ISLR2: variants seen among roughly 807,000 people sequenced by gnomAD.
ISLR2 encodes the protein immunoglobulin superfamily containing leucine-rich repeat protein 2.
ISLR2 carries 16 observed loss-of-function variants against 25.5 expected under a neutral mutation model. The ratio of observed to expected loss-of-function variants is 0.63; its 90% confidence interval spans 0.43 to 0.95. The LOEUF is 0.95. ISLR2 is among the 40% of genes least tolerant of loss of function. ISLR2 has a pLI of 0.00. For missense variants in ISLR2, 883 were observed against 1,030.7 expected (o/e 0.86, Z 1.96); for synonymous variants, 508 against 486.6 (o/e 1.04, Z -0.58).
intron 2 of ISLR2, among the ~76,000 whole-genome samples, chr15:74,117,293 A>G (rs369587496): frequency 1.3e-5 from 2 of 152,198 alleles, no homozygotes; most frequent in South Asian, 2.1e-4. Context: ...CATGAGCTAT[A>G]GGTCTCAATT....
chr15:74,126,198 C>T (rs567644117), upstream of ISLR2: 20 of 152,214 alleles, frequency 1.3e-4, no homozygotes, highest in African/African-American at 4.1e-4. Flanking sequence ...TTTTATCAAA[C>T]TTGTGTCCCA....
intron 2 of ISLR2, among the ~76,000 whole-genome samples, chr15:74,108,933 C>T (rs1355847898): frequency 2.6e-5 from 4 of 152,180 alleles, no homozygotes; most frequent in Non-Finnish European, 5.9e-5. Flanking sequence ...TGACCTGGGG[C>T]AGGTGCGGGG....
chr15:74,113,120 A>G (rs1336632413), intron 2 of ISLR2, among the ~76,000 whole-genome samples: 1 of 152,230 alleles, frequency 6.6e-6, no homozygotes, highest in Non-Finnish European at 1.5e-5. Flanking sequence ...GATTCCTCAC[A>G]TGTGCAGTTC....
Position 74,132,625 on chromosome 15 carries a change from G to C in ISLR2, c.-8-122G>C. ...CTTCAGAGAGGCTCCTGGCCATAGA[G>C]GAGGTTACCGGAGCCCTGGAACTAG... On this transcript the variant is annotated intron_variant, in intron 2 of 2. Transcript: ENST00000453268. The surrounding 1 kb of genome is among the most constrained non-coding windows in gnomAD (Gnocchi z 4.3). 7.5e-7 allele frequency: 1 copy of C among 1,334,894 alleles called. No individual in the cohort carries two copies. The highest frequency in any genetic ancestry group is 1.0e-6 in the Non-Finnish European group (1 of 1,003,378). 82.7% of individuals were successfully genotyped at this position (1,334,894 alleles called of 1,614,324 possible).
At position 74,132,782 on chromosome 15, in the gene ISLR2, G is replaced by C. The variant is rs2072452210; in HGVS notation, c.28G>C (p.Val10Leu). The change falls in exon 3 of 3, where the codon GTC (valine) becomes CTC (leucine). Residue 10 changes from valine (V) to leucine (L), a missense_variant. Val to Leu is a conservative substitution (Grantham distance 32). Coordinates refer to ENST00000453268, the MANE Select transcript of ISLR2 (RefSeq NM_020851.3). This position sits in a 1 kb window ranked among gnomAD's most constrained non-coding sequence, Gnocchi z 4.3. ...GTTCCCCCTTCGGGCCCTGTGGTTG[G>C]TCTGGGCGCTTCTAGGAGTGGCCGG... MFPLRALWL[V>L]WALLGVAGSC... 1 of 1,613,200 alleles carries C rather than the reference G, an allele frequency of 6.2e-7. No homozygotes were observed. Among genetic ancestry groups the C allele is most frequent in the Non-Finnish European group, 8.5e-7 (1 of 1,179,220 alleles).
At chr15:74,139,902 GTGTGTGTGTGTC>G (rs937395361), downstream of ISLR2, among the ~76,000 whole-genome samples, 2 of 148,856 alleles carry the variant, frequency 1.3e-5, no homozygotes, top group African/African-American at 5.2e-5. Flanking sequence ...GTGTGTGTGT[GTGTGTGTGTGTC>G]TTGAGAGACC....
rs747155913 is a variant in ISLR2, at chr15:74,133,944, G to C, written c.1190G>C (p.Arg397Pro). Reference sequence around the variant, plus strand: ...GACGGACAGGCCCCGACCTCTGAGCGCAAGTCCACAGCCAAGGGCCGGGGC... The same window carrying C: ...GACGGACAGGCCCCGACCTCTGAGCCCAAGTCCACAGCCAAGGGCCGGGGC... ...EPDGQAPTSERKSTAKGRGNS... is the reference protein window; with the variant it reads ...EPDGQAPTSEPKSTAKGRGNS... Residue 397 changes from arginine (R) to proline (P), a missense_variant, in exon 3 of 3, where the codon CGC becomes CCC. Arg to Pro is a moderately radical substitution (Grantham distance 103). This residue lies in a region of ISLR2 where 612 missense variants were observed against 642.8 expected (regional missense o/e 0.95). Transcript: ENST00000453268. 1 of 1,605,834 alleles carries C rather than the reference G, an allele frequency of 6.2e-7. No individual in the cohort carries two copies. Among genetic ancestry groups the C allele is most frequent in the South Asian group, 1.1e-5 (1 of 90,016 alleles).
Position 74,134,181 on chromosome 15 carries a change from G to T in ISLR2, c.1427G>T (p.Ser476Ile). Residue 476 changes from serine to isoleucine, a missense_variant, in exon 3 of 3, where the codon AGC becomes ATC. Ser to Ile is a moderately radical substitution (Grantham distance 142). Around this residue, in one of 2 missense-constraint regions of ISLR2, gnomAD observed 612 missense variants for 642.8 expected, o/e 0.95. Transcript: ENST00000453268. ...GTTTCTAACCACGCGTTCAACCAGA[G>T]CGCAGAGCTCAAGCCGCACGTCTTC... is the stretch of plus-strand genomic sequence containing the variant. ...RYVSNHAFNQ[S>I]AELKPHVFEL... 1 of 1,612,326 alleles carries T rather than the reference G, an allele frequency of 6.2e-7. No individual in the cohort carries two copies. The highest frequency in any genetic ancestry group is 8.5e-7 in the Non-Finnish European group (1 of 1,179,368).
At chr15:74,137,121 C>G (rs1486753576), downstream of ISLR2, among the ~76,000 whole-genome samples, 1 of 152,112 alleles carries the variant, frequency 6.6e-6, no homozygotes, top group Admixed American at 6.6e-5. Context: ...TATTTGCACT[C>G]AAGGGTGTGC....
At chr15:74,125,026 T>C (rs748052542), upstream of ISLR2, among the ~76,000 whole-genome samples, 33 of 152,132 alleles carry the variant, frequency 2.2e-4, no homozygotes, top group Non-Finnish European at 2.9e-5. Context: ...TATTTGCCGA[T>C]GGAAATATTA....
chr15:74,137,710 G>A (rs2072584248), downstream of ISLR2, among the ~76,000 whole-genome samples: 1 of 152,162 alleles, frequency 6.6e-6, no homozygotes, highest in Non-Finnish European at 1.5e-5. Flanking sequence ...ATGGGAAGCA[G>A]ATAAAGATTC....
At position 74,103,604 on chromosome 15, in the gene ISLR2, A is replaced by T. The variant is rs1206690901; in HGVS notation, n.160-242A>T. 3.9e-5 allele frequency among the ~76,000 whole-genome samples: 5 copies of T among 128,112 alleles called. No homozygotes were observed. The East Asian group carries it at 1.1e-3, about 28-fold the overall frequency. The allele number at this position is 128,112 out of a possible 152,430, so 84.0% of individuals were successfully genotyped here. On this transcript the variant is annotated intron_variant and non_coding_transcript_variant, in intron 1 of 3. Transcript: ENST00000561975. ...GCCACTGCACTCCAGCCAGAGCCAG[A>T]GTGAGACTCTGTCCCAAAGAAAAAA...
chr15:74,128,322 T>C, upstream of ISLR2: 1 of 413,414 alleles, frequency 2.4e-6, no homozygotes, highest in South Asian at 1.8e-5. Flanking sequence ...GGGGCGTCTT[T>C]CCCCCAGGGC....
In ISLR2 at chr15:74,132,618, C is replaced by A; in HGVS notation, c.-8-129C>A. Reference sequence around the variant, plus strand: ...ACCTTCACTTCAGAGAGGCTCCTGGCCATAGAGGAGGTTACCGGAGCCCTG... The same window carrying A: ...ACCTTCACTTCAGAGAGGCTCCTGGACATAGAGGAGGTTACCGGAGCCCTG... On this transcript the variant is annotated intron_variant, in intron 2 of 2. Transcript: ENST00000453268. The surrounding 1 kb of genome is among the most constrained non-coding windows in gnomAD (Gnocchi z 4.3). 1 of 1,278,930 alleles carries A rather than the reference C, an allele frequency of 7.8e-7. No homozygotes were observed. The highest frequency in any genetic ancestry group is 1.0e-6 in the Non-Finnish European group (1 of 953,944). 79.2% of individuals were successfully genotyped at this position (1,278,930 alleles called of 1,614,324 possible). A position where few individuals can be genotyped will look rare whatever the true frequency, so the allele number is the denominator to read the frequency against.
At position 74,133,296 on chromosome 15, in the gene ISLR2, A is replaced by G. The variant is rs781605117; in HGVS notation, c.542A>G (p.Asn181Ser). ...SALSHLQLYH[N>S]PFHCGCGLVW... ...CTGTCACACTTGCAACTCTATCACA[A>G]TCCCTTCCACTGCGGCTGCGGCCTT... is the stretch of plus-strand genomic sequence containing the variant. Residue 181 changes from asparagine (N) to serine (S), a missense_variant, in exon 3 of 3, where the codon AAT becomes AGT. Coordinates refer to ENST00000453268, the MANE Select transcript of ISLR2 (RefSeq NM_020851.3). The G allele has an allele frequency of 6.2e-7, 1 of 1,610,750 alleles. No homozygotes were observed. Among genetic ancestry groups the G allele is most frequent in the Non-Finnish European group, 8.5e-7 (1 of 1,179,924 alleles).
At position 74,134,737 on chromosome 15, in the gene ISLR2, C is replaced by A. The variant is rs370160529; in HGVS notation, c.1983C>A (p.Gly661=). The A allele has an allele frequency of 1.9e-6, 3 of 1,613,910 alleles. No homozygotes were observed. Among genetic ancestry groups the A allele is most frequent in the Non-Finnish European group, 2.5e-6 (3 of 1,179,934 alleles). The part of the protein sequence containing the change: ...YLESEKSYPA[G]GEAGGEEPED... Reference sequence around the variant, plus strand: ...AGTCCGAGAAAAGCTACCCGGCAGGCGGCGAGGCGGGCGGCGAGGAGCCAG... The same window carrying A: ...AGTCCGAGAAAAGCTACCCGGCAGGAGGCGAGGCGGGCGGCGAGGAGCCAG... Residue 661 remains glycine, a synonymous_variant, in exon 3 of 3, where the codon GGC becomes GGA. Transcript: ENST00000453268.
At chr15:74,120,124 C>G (rs2072241545) in intron 2 of ISLR2, among the ~76,000 whole-genome samples, 1 of 152,242 alleles carries the variant, frequency 6.6e-6, no homozygotes, top group Non-Finnish European at 1.5e-5. Context: ...CAACCCCATC[C>G]TCTCTCATAA....
Position 74,131,259 on chromosome 15 carries a change from C to G in ISLR2, c.-66C>G, listed in dbSNP as rs2072411829. The G allele has an allele frequency of 6.5e-6, 1 of 153,028 alleles. No individual in the cohort carries two copies. The highest frequency in any genetic ancestry group is 1.5e-5 in the Non-Finnish European group (1 of 68,182). The allele number at this position is 153,028 out of a possible 1,614,324, so 9.5% of individuals were successfully genotyped here. On this transcript the variant is annotated 5_prime_UTR_variant, in exon 2 of 3. Transcript: ENST00000453268. ...GGCTATCTTCCCTGCTCTGCCACGCCGGGTCTGGAGAAGGGGTTTCAGCCC... is the reference window on the plus strand; with the variant it reads ...GGCTATCTTCCCTGCTCTGCCACGCGGGGTCTGGAGAAGGGGTTTCAGCCC...
chr15:74,100,887 G>A (rs2072079337), intron 1 of ISLR2, among the ~76,000 whole-genome samples: 1 of 150,436 alleles, frequency 6.6e-6, no homozygotes, highest in East Asian at 1.9e-4. Context: ...AGTCTGATGG[G>A]TAAAAAAAAA....
Sources: allele counts gnomAD v4.1 joint callset (sites outside exome capture counted in the v4.1 genomes callset), GRCh38; gene constraint gnomAD v4.1.1; regional missense constraint gnomAD v4.1.1; non-coding constraint Gnocchi (gnomAD v3.1); transcripts MANE v1.5; gene names NCBI Gene and HGNC (gene_info 2026-07-23, HGNC 2026-07-21).